KCNK5: variants seen among roughly 807,000 people sequenced by gnomAD.
KCNK5 encodes the protein potassium two pore domain channel subfamily K member 5.
Under a neutral mutation model 32.9 loss-of-function variants are expected in KCNK5, and 18 were observed. The ratio of observed to expected loss-of-function variants is 0.55; its 90% CI spans 0.38 to 0.81. KCNK5 has a LOEUF of 0.81. Among genes scored for constraint, KCNK5 ranks in the 30% least tolerant of loss-of-function variants. The pLI is 0.00. For missense variants in KCNK5, 507 were observed against 651.0 expected, an observed-to-expected ratio of 0.78 and a Z score of 2.41; for synonymous variants, 276 against 275.3, an observed-to-expected ratio of 1.00 and a Z score of -0.03.
Position 39,191,800 on chromosome 6 carries a change from C to A in KCNK5, c.635-45G>T, listed in dbSNP as rs377076675. 1.6e-5 allele frequency: 26 copies of A among 1,579,812 alleles called. No homozygotes were observed. Among genetic ancestry groups the A allele is most frequent in the African/African-American group, 4.0e-5 (3 of 74,094 alleles). ...AGAGGTCAGGAAGAGTTAGCAGGGC[C>A]CGGGAAATGTGCAATGGCCAATGCT... On this transcript the variant is annotated intron_variant, in intron 4 of 4. Coordinates refer to ENST00000359534, the MANE Select transcript of KCNK5 (RefSeq NM_003740.4). This position sits in a 1 kb window ranked among gnomAD's most constrained non-coding sequence, Gnocchi z 5.8.
At chr6:39,223,015 T>A (rs1007139965) in intron 1 of KCNK5, among the ~76,000 whole-genome samples, 2 of 152,174 alleles carry the variant, frequency 1.3e-5, no homozygotes, top group African/African-American at 4.8e-5. Flanking sequence ...GCTAAAATGG[T>A]AAATTATATG....
At chr6:39,213,981 G>A (rs1023174748) in intron 1 of KCNK5, among the ~76,000 whole-genome samples, 12 of 151,764 alleles carry the variant, frequency 7.9e-5, no homozygotes, top group South Asian at 2.1e-4. Context: ...AGCCGAGATC[G>A]CACCACTGCA....
chr6:39,194,117 A>G lies in KCNK5; in HGVS notation c.634+52T>C. ...GGCACCCCCAACATAGGTCTGTTGCACTGAAACCAAAGAAGCAGAAAAAGA... is the reference window on the plus strand; with the variant it reads ...GGCACCCCCAACATAGGTCTGTTGCGCTGAAACCAAAGAAGCAGAAAAAGA... On this transcript the variant is annotated intron_variant, in intron 4 of 4. Transcript: ENST00000359534. The surrounding 1 kb of genome is among the most constrained non-coding windows in gnomAD (Gnocchi z 4.7). The G allele has an allele frequency of 1.2e-6, 2 of 1,604,414 alleles. No individual in the cohort carries two copies. Among genetic ancestry groups the G allele is most frequent in the Non-Finnish European group, 1.7e-6 (2 of 1,171,402 alleles).
chr6:39,205,189 C>T (rs534626985), intron 1 of KCNK5, among the ~76,000 whole-genome samples: 2 of 152,176 alleles, frequency 1.3e-5, no homozygotes, highest in South Asian at 2.1e-4. Flanking sequence ...AGCTCTCAGG[C>T]ACCTGGAGGG....
intron 1 of KCNK5, among the ~76,000 whole-genome samples, chr6:39,205,917 C>T (rs1206786721): frequency 1.3e-5 from 2 of 152,214 alleles, no homozygotes; most frequent in Non-Finnish European, 2.9e-5. Context: ...TCCTCCCCGA[C>T]TTGGTTAATA....
At chr6:39,219,191 G>T (rs946808594) in intron 1 of KCNK5, among the ~76,000 whole-genome samples, 1 of 152,252 alleles carries the variant, frequency 6.6e-6, no homozygotes, top group Middle Eastern at 3.4e-3. Flanking sequence ...AAAGTTGATG[G>T]AACAAGGGAT....
rs376660110 is a variant in KCNK5 at position 39,195,878 on chromosome 6, A to G, written c.296T>C (p.Ile99Thr). 1.2e-5 allele frequency: 20 copies of G among 1,611,284 alleles called. No homozygotes were observed. The highest frequency in any genetic ancestry group is 3.3e-4 in the Middle Eastern group (2 of 6,052). The change falls in exon 2 of 5, where the codon ATT becomes ACT. Residue 99 changes from isoleucine to threonine, a missense_variant and splice_region_variant. By Grantham distance (89) the Ile-to-Thr change is moderately conservative. Coordinates refer to ENST00000359534, the MANE Select transcript of KCNK5 (RefSeq NM_003740.4). ...CCTACAGGTCCCAGAAGACTTACCA[A>G]TGGTGGTAATGACGGTCGCTGCAAA... ...MIFAATVITTIGYGNVAPKTP... is the reference protein window; with the variant it reads ...MIFAATVITTTGYGNVAPKTP...
At chr6:39,219,901 C>T (rs560467450) in intron 1 of KCNK5, among the ~76,000 whole-genome samples, 13 of 152,322 alleles carry the variant, frequency 8.5e-5, no homozygotes, top group African/African-American at 3.1e-4. Flanking sequence ...ACTAGCACTC[C>T]AAGCCTTTCT....
chr6:39,220,607 A>G (rs1771528941), intron 1 of KCNK5, among the ~76,000 whole-genome samples: 1 of 152,268 alleles, frequency 6.6e-6, no homozygotes, highest in Admixed American at 6.5e-5. Flanking sequence ...GGTGTTGACC[A>G]TCAACTGTTT....
intron 1 of KCNK5, among the ~76,000 whole-genome samples, chr6:39,211,354 T>A (rs903680940): frequency 3.9e-5 from 6 of 152,230 alleles, no homozygotes; most frequent in African/African-American, 1.4e-4. Flanking sequence ...AGGACTGACC[T>A]GGCAAGGCAA....
At chr6:39,196,359 G>A (rs888000146) in intron 1 of KCNK5, among the ~76,000 whole-genome samples, 3 of 152,190 alleles carry the variant, frequency 2.0e-5, no homozygotes, top group Admixed American at 2.0e-4. Context: ...CCCAGGTGAT[G>A]CTGTGGACAG....
intron 1 of KCNK5, among the ~76,000 whole-genome samples, chr6:39,197,264 A>G (rs1211991352): frequency 1.3e-5 from 2 of 152,208 alleles, no homozygotes; most frequent in African/African-American, 2.4e-5. Context: ...TGGGAAAAAA[A>G]GGGCATGGGT....
intron 1 of KCNK5, among the ~76,000 whole-genome samples, chr6:39,219,595 A>T (rs1327426576): frequency 6.6e-6 from 1 of 152,184 alleles, no homozygotes; most frequent in Non-Finnish European, 1.5e-5. Context: ...CATGACTTAG[A>T]GCCTGTGAGA....
chr6:39,217,513 T>C (rs1464577151), intron 1 of KCNK5, among the ~76,000 whole-genome samples: 1 of 152,206 alleles, frequency 6.6e-6, no homozygotes, highest in Admixed American at 6.5e-5. Context: ...CCTTCCCTAA[T>C]TGCCCCCACT....
intron 1 of KCNK5, 40 bp downstream of exon 1, chr6:39,228,886 C>A (rs2241595): frequency 0.11 from 180,597 of 1,601,400 alleles, 12,659 homozygotes; most frequent in East Asian, 0.32. Flanking sequence ...AAAGCTCAAG[C>A]CAGCTTCAGA....
At chr6:39,213,793 G>C (rs1207816437) in intron 1 of KCNK5, among the ~76,000 whole-genome samples, 3 of 152,140 alleles carry the variant, frequency 2.0e-5, no homozygotes, top group Non-Finnish European at 4.4e-5. Flanking sequence ...TTCCAGACCA[G>C]TCTGGTCAAC....
chr6:39,219,933 G>A (rs1056781935), intron 1 of KCNK5, among the ~76,000 whole-genome samples: 3 of 152,256 alleles, frequency 2.0e-5, no homozygotes, highest in Non-Finnish European at 4.4e-5. Context: ...CGAGTCCAGA[G>A]AGGGAAAATA....
chr6:39,221,829 C>T (rs1457482670), intron 1 of KCNK5, among the ~76,000 whole-genome samples: 2 of 152,172 alleles, frequency 1.3e-5, no homozygotes, highest in Non-Finnish European at 2.9e-5. Context: ...TCAACATTTG[C>T]CCATCTCTCC....
intron 1 of KCNK5, among the ~76,000 whole-genome samples, chr6:39,225,316 T>C (rs1385810294): frequency 6.6e-6 from 1 of 152,238 alleles, no homozygotes. Flanking sequence ...CTCCGCTCTA[T>C]GTGATCCCAG....
Sources: gnomAD v4.1 joint callset for allele counts (sites outside exome capture counted in the v4.1 genomes callset) on GRCh38, gnomAD v4.1.1 for gene constraint, Gnocchi (gnomAD v3.1) non-coding constraint, MANE v1.5 for transcripts, NCBI Gene and HGNC (gene_info 2026-07-23, HGNC 2026-07-21) for gene names.